Variants in CD226 observed in about 807,000 individuals in gnomAD.
CD226 encodes CD226 antigen.
CD226 carries 24 observed loss-of-function variants against 34.9 expected under a neutral mutation model. The ratio of observed to expected loss-of-function variants is 0.69; its 90% CI spans 0.50 to 0.97. CD226 has a LOEUF of 0.97. Ranked by LOEUF, CD226 falls within the 50% of genes least tolerant of loss-of-function variation. The pLI is 0.00. For missense variants in CD226, 397 were observed against 412.7 expected, an observed-to-expected ratio of 0.96 and a Z score of 0.33; for synonymous variants, 148 against 147.4, an observed-to-expected ratio of 1.00 and a Z score of -0.03.
chr18:69,927,379 C>T (rs557346227), intron 2 of CD226, among the ~76,000 whole-genome samples: 53 of 151,474 alleles, frequency 3.5e-4, no homozygotes, highest in Admixed American at 9.2e-4. Context: ...CACACACACA[C>T]ACACACACAA....
chr18:69,959,185 T>TA (rs2145393521), upstream of CD226, among the ~76,000 whole-genome samples: 1 of 152,156 alleles, frequency 6.6e-6, no homozygotes, highest in Non-Finnish European at 1.5e-5. Flanking sequence ...AAACAAACAA[T>TA]AAAAATAACC....
intron 2 of CD226, among the ~76,000 whole-genome samples, chr18:69,903,647 C>T (rs190459329): frequency 3.9e-4 from 59 of 152,094 alleles, no homozygotes; most frequent in Middle Eastern, 6.8e-3. Flanking sequence ...AGGGGAAATT[C>T]TGACACAGGC....
rs56118102 is a variant in CD226 at position 69,924,692 on chromosome 18, C to CAAAAAAAAAAAAA, written c.382+22029_382+22041dup. 3.0e-4 allele frequency among the ~76,000 whole-genome samples: 17 copies of CAAAAAAAAAAAAA among 57,124 alleles called. 1 individual carries two copies. Among genetic ancestry groups the CAAAAAAAAAAAAA allele is most frequent in the East Asian group, 8.2e-4 (1 of 1,220 alleles). 37.5% of individuals were successfully genotyped at this position (57,124 alleles called of 152,430 possible). ...GGCAACAGTAGGATGAAGGTATTGCCAAAAAAAAAAAAAAAAAAAAGAATC... is the reference window on the plus strand; with the variant it reads ...GGCAACAGTAGGATGAAGGTATTGCCAAAAAAAAAAAAAAAAAAAAAAAAAAAAAAAAAGAATC... On this transcript the variant is annotated intron_variant, in intron 2 of 5. Transcript: ENST00000582621.
chr18:69,883,896 G>A (rs568796052), intron 3 of CD226, among the ~76,000 whole-genome samples: 1 of 152,222 alleles, frequency 6.6e-6, no homozygotes, highest in Non-Finnish European at 1.5e-5. Flanking sequence ...CTTTCAGCCT[G>A]TACCCACGTC....
intron 2 of CD226, among the ~76,000 whole-genome samples, chr18:69,896,489 C>T (rs1985311143): frequency 2.0e-5 from 3 of 152,150 alleles, no homozygotes; most frequent in Admixed American, 2.0e-4. Flanking sequence ...TTGTGAATGA[C>T]ACATTCTTGT....
At chr18:69,891,437 G>A (rs571143227) in intron 3 of CD226, among the ~76,000 whole-genome samples, 11 of 152,110 alleles carry the variant, frequency 7.2e-5, no homozygotes, top group Non-Finnish European at 1.3e-4. Flanking sequence ...GACAAAGGTG[G>A]CCACTTTCAA....
intron 1 of CD226, chr18:69,956,533 G>C (rs2055898711): frequency 6.6e-6 from 1 of 152,142 alleles, no homozygotes; most frequent in African/African-American, 2.4e-5. Flanking sequence ...CTGAGAAAAA[G>C]TACTTAACTG....
At position 69,857,328 on chromosome 18, in the gene CD226, G is replaced by A. The variant is rs1306454407; in HGVS notation, c.*6986C>T. 1.3e-5 allele frequency: 2 copies of A among 152,210 alleles called. No homozygotes were observed. The highest frequency in any genetic ancestry group is 2.1e-4 in the South Asian group (1 of 4,814). 9.4% of individuals were successfully genotyped at this position (152,210 alleles called of 1,614,324 possible). ...AGCTAAAATCAAAATTTGCTTCTGAGGACCATTATACGATAAAAATAAAGT... is the reference window on the plus strand; with the variant it reads ...AGCTAAAATCAAAATTTGCTTCTGAAGACCATTATACGATAAAAATAAAGT... On this transcript the variant is annotated 3_prime_UTR_variant, in exon 6 of 6. Transcript: ENST00000582621.
chr18:69,873,622 T>TA (rs1166624630), intron 3 of CD226, among the ~76,000 whole-genome samples: 1 of 150,848 alleles, frequency 6.6e-6, no homozygotes, highest in Non-Finnish European at 1.5e-5. Flanking sequence ...CTCAGGCCTG[T>TA]AATCACAGAG....
At chr18:69,911,671 A>T in intron 2 of CD226, among the ~76,000 whole-genome samples, 1 of 152,120 alleles carries the variant, frequency 6.6e-6, no homozygotes, top group African/African-American at 2.4e-5. Flanking sequence ...CTCTAATCCA[A>T]AGCAACTCTC....
intron 3 of CD226, among the ~76,000 whole-genome samples, chr18:69,878,730 T>G (rs1326270406): frequency 1.3e-5 from 2 of 152,056 alleles, no homozygotes; most frequent in African/African-American, 2.4e-5. Context: ...AAAGAAAACA[T>G]GTGGTTTTCG....
intron 2 of CD226, among the ~76,000 whole-genome samples, chr18:69,939,107 A>G (rs185957782): frequency 3.7e-4 from 57 of 152,332 alleles, no homozygotes; most frequent in African/African-American, 1.4e-3. Context: ...AGAAAAAGAA[A>G]TCAGTAGATT....
At chr18:69,951,285 T>G (rs1017999332), upstream of CD226, among the ~76,000 whole-genome samples, 1 of 151,986 alleles carries the variant, frequency 6.6e-6, no homozygotes, top group Non-Finnish European at 1.5e-5. Flanking sequence ...GCCTGAAAAC[T>G]ATGATTGATT....
intron 1 of CD226, among the ~76,000 whole-genome samples, chr18:69,953,806 C>G (rs2145383938): frequency 6.6e-6 from 1 of 152,154 alleles, no homozygotes; most frequent in Admixed American, 6.5e-5. Context: ...TCAAAACCAG[C>G]CTGGCCAACA....
At chr18:69,904,371 C>T (rs1398650850) in intron 2 of CD226, among the ~76,000 whole-genome samples, 1 of 152,178 alleles carries the variant, frequency 6.6e-6, no homozygotes, top group Non-Finnish European at 1.5e-5. Flanking sequence ...CAGGCCCCGG[C>T]AGCTTTGTGA....
intron 2 of CD226, among the ~76,000 whole-genome samples, chr18:69,897,846 C>T (rs1486917869): frequency 6.6e-6 from 1 of 152,158 alleles, no homozygotes; most frequent in Non-Finnish European, 1.5e-5. Flanking sequence ...AAACTAGCTT[C>T]TCATCTTCAG....
At chr18:69,952,307 ATTAC>A (rs925819475), upstream of CD226, among the ~76,000 whole-genome samples, 50 of 152,354 alleles carry the variant, frequency 3.3e-4, no homozygotes, top group African/African-American at 1.2e-3. Flanking sequence ...AGGGATAGAA[ATTAC>A]TTAATGTGTA....
chr18:69,865,926 T>C (rs1207734499), intron 5 of CD226, among the ~76,000 whole-genome samples: 1 of 152,228 alleles, frequency 6.6e-6, no homozygotes, highest in Non-Finnish European at 1.5e-5. Flanking sequence ...AACAAAATAC[T>C]GTAGACTGGG....
At chr18:69,943,376 T>C (rs527290575) in intron 2 of CD226, among the ~76,000 whole-genome samples, 1 of 152,312 alleles carries the variant, frequency 6.6e-6, no homozygotes, top group African/African-American at 2.4e-5. Context: ...GAAAATGTGG[T>C]CCCCCAAGTC....
Sources: gnomAD v4.1 joint callset for allele counts (sites outside exome capture counted in the v4.1 genomes callset) on GRCh38, gnomAD v4.1.1 for gene constraint, MANE v1.5 for transcripts, NCBI Gene and HGNC (gene_info 2026-07-23, HGNC 2026-07-21) for gene names.